RELN: variants seen among roughly 807,000 people sequenced by gnomAD.
RELN encodes reelin.
Under a neutral mutation model 427.6 loss-of-function variants are expected in RELN, and 108 were observed. The ratio of observed to expected loss-of-function variants is 0.25; its 90% CI spans 0.22 to 0.30. The LOEUF is 0.30. Among genes scored for constraint, RELN ranks in the 10% least tolerant of loss-of-function variants. RELN has a pLI of 1.00. For missense variants in RELN, 3,715 were observed against 4,302.8 expected, an observed-to-expected ratio of 0.86 and a Z score of 3.82; for synonymous variants, 1,524 against 1,513.4, an observed-to-expected ratio of 1.01 and a Z score of -0.16.
intron 60 of RELN, among the ~76,000 whole-genome samples, chr7:103,489,102 T>G (rs958122270): frequency 6.6e-6 from 1 of 152,094 alleles, no homozygotes; most frequent in Non-Finnish European, 1.5e-5. Context: ...CAGAGCAATT[T>G]CCTGTGATGT....
chr7:103,534,810 A>G (rs1367799861), intron 46 of RELN, among the ~76,000 whole-genome samples: 1 of 152,216 alleles, frequency 6.6e-6, no homozygotes, highest in African/African-American at 2.4e-5. Flanking sequence ...ACATAAAATA[A>G]TGCTTCAGGT....
intron 3 of RELN, among the ~76,000 whole-genome samples, chr7:103,821,022 C>T (rs1044297607): frequency 3.9e-5 from 6 of 151,976 alleles, no homozygotes; most frequent in Admixed American, 6.6e-5. Flanking sequence ...TAAACAATAC[C>T]GAACTTTTTA....
At chr7:103,789,470 C>T (rs767890772) in intron 3 of RELN, among the ~76,000 whole-genome samples, 2 of 151,994 alleles carry the variant, frequency 1.3e-5, no homozygotes, top group Non-Finnish European at 2.9e-5. Flanking sequence ...CCAGAATATA[C>T]AAGGAACTTA....
At position 103,545,305 on chromosome 7, in the gene RELN, G is replaced by A. The variant is rs763529790; in HGVS notation, c.6342C>T (p.Ala2114=). 22 of 1,613,872 alleles carry A rather than the reference G, an allele frequency of 1.4e-5. No individual in the cohort carries two copies. Among genetic ancestry groups the A allele is most frequent in the South Asian group, 1.1e-4 (10 of 91,076 alleles). Residue 2114 remains alanine, a synonymous_variant, in exon 42 of 65, where the codon GCC becomes GCT. Coordinates refer to ENST00000428762, the MANE Select transcript of RELN (RefSeq NM_005045.4). Reference sequence around the variant, plus strand: ...TGGCCCATGTCACTGGCTGAGAGCCGGCAGGGTAAAATCCCTGGTACCATC... The same window carrying A: ...TGGCCCATGTCACTGGCTGAGAGCCAGCAGGGTAAAATCCCTGGTACCATC... ...RFRWYQGFYP[A]GSQPVTWAID...
intron 46 of RELN, among the ~76,000 whole-genome samples, chr7:103,528,926 C>T (rs890891400): frequency 4.6e-5 from 7 of 150,864 alleles, no homozygotes; most frequent in Non-Finnish European, 8.9e-5. Context: ...TCACGAGGTC[C>T]AGAGATCAAG....
rs548854948 is a variant in RELN at position 103,922,351 on chromosome 7, A to G, written c.227-5166T>C. Among the ~76,000 whole-genome samples the G allele has an allele frequency of 2.0e-5, 3 of 152,318 alleles. No individual in the cohort carries two copies. In the South Asian group the frequency reaches 6.2e-4, roughly 32 times the overall value. Reference sequence around the variant, plus strand: ...CTGTATTTTGTATGTGAATATATATATACATATAAATGTATATACCAAATT... The same window carrying G: ...CTGTATTTTGTATGTGAATATATATGTACATATAAATGTATATACCAAATT... On this transcript the variant is annotated intron_variant, in intron 1 of 64. Transcript: ENST00000428762.
At chr7:103,542,340 G>T (rs1830192729) in intron 43 of RELN, among the ~76,000 whole-genome samples, 1 of 152,144 alleles carries the variant, frequency 6.6e-6, no homozygotes, top group Non-Finnish European at 1.5e-5. Flanking sequence ...TTTCTACTAA[G>T]CATGGTATAA....
At chr7:103,663,198 T>C (rs1833183112) in intron 11 of RELN, among the ~76,000 whole-genome samples, 1 of 152,168 alleles carries the variant, frequency 6.6e-6, no homozygotes, top group Non-Finnish European at 1.5e-5. Flanking sequence ...AGATTCTTCC[T>C]TTGTGATCTA....
chr7:103,689,923 G>T (rs1452124243), intron 10 of RELN, among the ~76,000 whole-genome samples: 1 of 152,048 alleles, frequency 6.6e-6, no homozygotes, highest in Non-Finnish European at 1.5e-5. Flanking sequence ...TGAGGAGTTG[G>T]GAAGAGATGA....
chr7:103,838,195 C>T (rs1210371761), intron 2 of RELN, among the ~76,000 whole-genome samples: 2 of 100,092 alleles, frequency 2.0e-5, no homozygotes, highest in African/African-American at 8.4e-5. Context: ...GGCGACAGAG[C>T]GAGACTTCGT....
rs968904403 is a variant in RELN, at chr7:103,609,131, G to A, written c.3008+1564C>T. Among the ~76,000 whole-genome samples, 7 of 151,402 alleles carry A rather than the reference G, an allele frequency of 4.6e-5. No individual in the cohort carries two copies. In the East Asian group the frequency reaches 9.8e-4, roughly 21 times the overall value. ...CCAGCTGCTTGGGAGGCTGAGGCAG[G>A]TGAATCACTTGAACCCGGGAAATGA... is the stretch of plus-strand genomic sequence containing the variant. On this transcript the variant is annotated intron_variant, in intron 22 of 64. Coordinates refer to ENST00000428762, the MANE Select transcript of RELN (RefSeq NM_005045.4).
At chr7:103,685,485 C>A (rs1833747227) in intron 10 of RELN, among the ~76,000 whole-genome samples, 1 of 152,046 alleles carries the variant, frequency 6.6e-6, no homozygotes, top group Non-Finnish European at 1.5e-5. Context: ...TGAGCCACAG[C>A]TTTTGATTGA....
At position 103,661,540 on chromosome 7, in the gene RELN, G is replaced by A; in HGVS notation, c.1290-13C>T. The A allele has an allele frequency of 6.2e-7, 1 of 1,612,574 alleles. No homozygotes were observed. Among genetic ancestry groups the A allele is most frequent in the African/African-American group, 1.3e-5 (1 of 74,998 alleles). Reference sequence around the variant, plus strand: ...CAAGACATCCCATCTAAAAAAAAAGGGGGATTAAGAGTTAGAGTTAGAATA... The same window carrying A: ...CAAGACATCCCATCTAAAAAAAAAGAGGGATTAAGAGTTAGAGTTAGAATA... On this transcript the variant is annotated splice_polypyrimidine_tract_variant and intron_variant, in intron 11 of 64. Transcript: ENST00000428762.
chr7:103,565,567 G>T lies in RELN; in HGVS notation c.4937-16C>A, dbSNP rs745592239. The T allele has an allele frequency of 3.3e-6, 5 of 1,500,066 alleles. No individual in the cohort carries two copies. Among genetic ancestry groups the T allele is most frequent in the Middle Eastern group, 1.8e-4 (1 of 5,702 alleles). The allele number at this position is 1,500,066 out of a possible 1,614,324, so 92.9% of individuals were successfully genotyped here. A position where few individuals can be genotyped will look rare whatever the true frequency, so the allele number is the denominator to read the frequency against. On this transcript the variant is annotated splice_polypyrimidine_tract_variant and intron_variant, in intron 33 of 64. Coordinates refer to ENST00000428762, the MANE Select transcript of RELN (RefSeq NM_005045.4). ...CGAGGTTTTCCTGAAAAAAAAAAATGTGTAATGGTAGCATATATGTGTGCC... is the reference window on the plus strand; with the variant it reads ...CGAGGTTTTCCTGAAAAAAAAAAATTTGTAATGGTAGCATATATGTGTGCC...
chr7:103,668,695 G>C (rs1833324825), intron 11 of RELN, among the ~76,000 whole-genome samples: 1 of 152,172 alleles, frequency 6.6e-6, no homozygotes, highest in Non-Finnish European at 1.5e-5. Context: ...GTAACTTTTT[G>C]AAACAGCTCT....
intron 1 of RELN, among the ~76,000 whole-genome samples, chr7:103,957,279 C>A (rs1169487985): frequency 6.6e-6 from 1 of 152,142 alleles, no homozygotes; most frequent in Non-Finnish European, 1.5e-5. Context: ...ACGAATTATT[C>A]TTTTTATATA....
chr7:103,639,147 A>G (rs1436555203), intron 17 of RELN, among the ~76,000 whole-genome samples: 1 of 152,190 alleles, frequency 6.6e-6, no homozygotes, highest in East Asian at 1.9e-4. Flanking sequence ...AATGTTTCAT[A>G]GATCTACTGA....
At chr7:103,839,411 T>C (rs1264500381) in intron 2 of RELN, among the ~76,000 whole-genome samples, 2 of 151,014 alleles carry the variant, frequency 1.3e-5, no homozygotes, top group African/African-American at 2.4e-5. Context: ...GTTGCAACTA[T>C]TAGAAATCCA....
intron 2 of RELN, among the ~76,000 whole-genome samples, chr7:103,879,376 G>A (rs1794555565): frequency 6.6e-6 from 1 of 152,172 alleles, no homozygotes; most frequent in Admixed American, 6.5e-5. Flanking sequence ...GAGATAACTG[G>A]AGTTATCAAG....
Sources: gnomAD v4.1 joint callset for allele counts (sites outside exome capture counted in the v4.1 genomes callset) on GRCh38, gnomAD v4.1.1 for gene constraint, MANE v1.5 for transcripts, NCBI Gene and HGNC (gene_info 2026-07-23, HGNC 2026-07-21) for gene names.